The following RABGAP1L variants were observed in gnomAD, a reference collection of about 807,000 sequenced individuals.
RABGAP1L encodes the protein rab GTPase-activating protein 1-like.
A neutral mutation model predicts 137.7 loss-of-function variants in RABGAP1L; 63 were observed. That is an observed-to-expected ratio of 0.46 (90% CI 0.37 to 0.56). RABGAP1L has a LOEUF of 0.56. Among genes scored for constraint, RABGAP1L ranks in the 20% least tolerant of loss-of-function variants. The pLI is 0.00. For synonymous variants in RABGAP1L, 431 were observed against 433.7 expected, an observed-to-expected ratio of 0.99 and a Z score of 0.08; for missense variants, 1,095 against 1,244.0, an observed-to-expected ratio of 0.88 and a Z score of 1.80.
intron 17 of RABGAP1L, among the ~76,000 whole-genome samples, chr1:174,729,607 T>C (rs1184966846): frequency 6.6e-6 from 1 of 151,970 alleles, no homozygotes; most frequent in East Asian, 1.9e-4. Context: ...TATAAGGAAC[T>C]TAAACAGTTG....
intron 13 of RABGAP1L, among the ~76,000 whole-genome samples, chr1:174,613,264 T>G (rs1317886002): frequency 6.6e-6 from 1 of 152,186 alleles, no homozygotes; most frequent in Non-Finnish European, 1.5e-5. Context: ...GTGTCTTTGT[T>G]CTCGTTGGTT....
intron 13 of RABGAP1L, among the ~76,000 whole-genome samples, chr1:174,565,841 A>G (rs564556998): frequency 1.3e-5 from 2 of 152,188 alleles, no homozygotes; most frequent in South Asian, 4.2e-4. Flanking sequence ...TCCAAAAAAT[A>G]CAAAGATATC....
chr1:174,283,568 A>G (rs1161661800), intron 10 of RABGAP1L, among the ~76,000 whole-genome samples: 1 of 151,784 alleles, frequency 6.6e-6, no homozygotes, highest in Non-Finnish European at 1.5e-5. Context: ...GTGCAGTGGC[A>G]CCATCCCAGC....
intron 13 of RABGAP1L, among the ~76,000 whole-genome samples, chr1:174,541,275 C>G (rs1209210937): frequency 6.6e-6 from 1 of 152,108 alleles, no homozygotes; most frequent in Non-Finnish European, 1.5e-5. Context: ...AATTGAATAT[C>G]CTTTATTTCT....
intron 17 of RABGAP1L, among the ~76,000 whole-genome samples, chr1:174,728,861 G>A (rs919673311): frequency 1.3e-4 from 20 of 151,972 alleles, no homozygotes; most frequent in African/African-American, 4.6e-4. Flanking sequence ...GGTTGGTCTC[G>A]AGCTCCTGAC....
intron 19 of RABGAP1L, among the ~76,000 whole-genome samples, chr1:174,850,877 A>C (rs1039069914): frequency 6.6e-6 from 1 of 152,358 alleles, no homozygotes. Context: ...CTCAGTGTGC[A>C]ATAGCTGCTT....
At chr1:174,752,778 A>C (rs1684442563) in intron 18 of RABGAP1L, among the ~76,000 whole-genome samples, 1 of 152,226 alleles carries the variant, frequency 6.6e-6, no homozygotes, top group Admixed American at 6.5e-5. Flanking sequence ...CTAAAAAAGA[A>C]ACTGCTACAT....
chr1:174,753,036 C>G lies in RABGAP1L; in HGVS notation c.2211+682C>G, dbSNP rs181746702. Reference sequence around the variant, plus strand: ...CAGGCTTACCCTTTCCTCAGTATAACATGGTGGTTAAAATGGCAGACCTGG... The same window carrying G: ...CAGGCTTACCCTTTCCTCAGTATAAGATGGTGGTTAAAATGGCAGACCTGG... On this transcript the variant is annotated intron_variant, in intron 18 of 25. Transcript: ENST00000681986. Among the ~76,000 whole-genome samples, 122 of 152,316 alleles carry G rather than the reference C, an allele frequency of 8.0e-4. 1 individual carries two copies. Among genetic ancestry groups the G allele is most frequent in the Admixed American group, 7.7e-3 (118 of 15,288 alleles).
intron 18 of RABGAP1L, chr1:174,757,021 C>G: frequency 1.5e-6 from 1 of 668,656 alleles, no homozygotes. Flanking sequence ...CTTCCTCCAG[C>G]TTCTTGTCCA....
chr1:174,596,343 G>A (rs1049024948), intron 13 of RABGAP1L, among the ~76,000 whole-genome samples: 11 of 152,002 alleles, frequency 7.2e-5, no homozygotes, highest in Admixed American at 3.9e-4. Context: ...GCTGTAGACC[G>A]GAGCTGTTCC....
At chr1:174,903,426 C>G (rs1055567188) in intron 19 of RABGAP1L, among the ~76,000 whole-genome samples, 2 of 152,132 alleles carry the variant, frequency 1.3e-5, no homozygotes, top group African/African-American at 2.4e-5. Flanking sequence ...ATGCATTTTT[C>G]TTTATCACAG....
At chr1:174,301,247 A>T (rs1474457058) in intron 10 of RABGAP1L, among the ~76,000 whole-genome samples, 3 of 151,656 alleles carry the variant, frequency 2.0e-5, no homozygotes, top group African/African-American at 7.3e-5. Context: ...ATGGTCTCTG[A>T]TGTCCAGATA....
chr1:174,907,099 A>G (rs890017771), intron 19 of RABGAP1L, among the ~76,000 whole-genome samples: 2 of 152,180 alleles, frequency 1.3e-5, no homozygotes, highest in Non-Finnish European at 2.9e-5. Context: ...TTTTCAAGAT[A>G]TAAAACCCAC....
intron 14 of RABGAP1L, among the ~76,000 whole-genome samples, chr1:174,655,067 T>A (rs1289388952): frequency 1.3e-5 from 2 of 152,208 alleles, no homozygotes; most frequent in Non-Finnish European, 2.9e-5. Context: ...AAGTTCAGAA[T>A]TTTGTTTTCC....
chr1:174,635,452 G>A (rs975448429), intron 13 of RABGAP1L, among the ~76,000 whole-genome samples: 7 of 152,040 alleles, frequency 4.6e-5, no homozygotes, highest in Admixed American at 2.6e-4. Context: ...CCAGATTTTT[G>A]TACTCAAGAC....
intron 17 of RABGAP1L, among the ~76,000 whole-genome samples, chr1:174,739,043 G>A (rs1683177928): frequency 6.6e-6 from 1 of 152,072 alleles, no homozygotes; most frequent in Non-Finnish European, 1.5e-5. Flanking sequence ...ACTATGGCAG[G>A]AAGATCTGTG....
intron 13 of RABGAP1L, among the ~76,000 whole-genome samples, chr1:174,396,314 T>A (rs892232560): frequency 4.6e-5 from 7 of 152,124 alleles, no homozygotes; most frequent in African/African-American, 1.7e-4. Context: ...TGGTGAATTT[T>A]ATGTTATGTT....
chr1:174,314,760 A>C (rs896922236), intron 11 of RABGAP1L, among the ~76,000 whole-genome samples: 9 of 152,192 alleles, frequency 5.9e-5, no homozygotes, highest in Non-Finnish European at 8.8e-5. Context: ...CTGGTCGTTC[A>C]GGAGCGTATT....
intron 14 of RABGAP1L, among the ~76,000 whole-genome samples, chr1:174,660,107 T>G (rs563828194): frequency 1.1e-4 from 16 of 152,276 alleles, no homozygotes; most frequent in Non-Finnish European, 2.2e-4. Context: ...GGATCTTGTC[T>G]CACAGCCATG....
Sources: gnomAD v4.1 joint callset for allele counts (sites outside exome capture counted in the v4.1 genomes callset) on GRCh38, gnomAD v4.1.1 for gene constraint, MANE v1.5 for transcripts, NCBI Gene and HGNC (gene_info 2026-07-23, HGNC 2026-07-21) for gene names.